The following HS3ST4 variants were observed in gnomAD, a reference collection of about 807,000 sequenced individuals.
The protein encoded by HS3ST4 is heparan sulfate glucosamine 3-O-sulfotransferase 4.
Under a neutral mutation model 29.2 loss-of-function variants are expected in HS3ST4, and 17 were observed. That is an observed-to-expected ratio of 0.58 (90% confidence interval 0.40 to 0.87). The LOEUF is 0.87. Among genes scored for constraint, HS3ST4 ranks in the 40% least tolerant of loss-of-function variants. The pLI is 0.00. For synonymous variants in HS3ST4, 314 were observed against 285.7 expected (o/e 1.10, Z -1.00); for missense variants, 627 against 634.5 (o/e 0.99, Z 0.13).
chr16:25,979,187 C>G (rs769965582), intron 1 of HS3ST4, among the ~76,000 whole-genome samples: 2 of 152,124 alleles, frequency 1.3e-5, no homozygotes, highest in African/African-American at 2.4e-5. Flanking sequence ...TGAGCCACTG[C>G]GTCTGGCCGA....
chr16:25,753,046 G>A (rs904441999), intron 1 of HS3ST4, among the ~76,000 whole-genome samples: 1 of 152,188 alleles, frequency 6.6e-6, no homozygotes, highest in Admixed American at 6.5e-5. Flanking sequence ...TGACCTCCAA[G>A]AAAATTGTGC....
chr16:25,939,128 C>T (rs947068541), intron 1 of HS3ST4, among the ~76,000 whole-genome samples: 2 of 152,054 alleles, frequency 1.3e-5, no homozygotes, highest in African/African-American at 4.8e-5. Context: ...CAGAAACACA[C>T]ATACCTCATT....
rs959146867 is a variant in HS3ST4 at position 25,799,963 on chromosome 16, G to A, written c.734+106812G>A. Among the ~76,000 whole-genome samples the A allele has an allele frequency of 4.6e-5, 7 of 151,946 alleles. No individual in the cohort carries two copies. The East Asian group carries it at 5.8e-4, about 13-fold the overall frequency. On this transcript the variant is annotated intron_variant, in intron 1 of 1. Coordinates refer to ENST00000331351, the MANE Select transcript of HS3ST4 (RefSeq NM_006040.3). ...ACCTCTGGGCTCAAGTGATCCTTCC[G>A]CATAGCTGGAATTCCATGTGTGCAC... is the stretch of plus-strand genomic sequence containing the variant.
chr16:25,722,324 A>G (rs1966502876), intron 1 of HS3ST4, among the ~76,000 whole-genome samples: 1 of 152,246 alleles, frequency 6.6e-6, no homozygotes, highest in Non-Finnish European at 1.5e-5. Context: ...TGGAGACTCC[A>G]TGAGAAGGGT....
At chr16:25,959,147 T>G (rs1450491556) in intron 1 of HS3ST4, among the ~76,000 whole-genome samples, 2 of 152,172 alleles carry the variant, frequency 1.3e-5, no homozygotes, top group South Asian at 2.1e-4. Flanking sequence ...AGATTGTTAT[T>G]TATTGAAGAG....
intron 1 of HS3ST4, among the ~76,000 whole-genome samples, chr16:26,115,316 A>C (rs560894872): frequency 6.8e-6 from 1 of 146,020 alleles, no homozygotes; most frequent in Non-Finnish European, 1.6e-5. Flanking sequence ...TATGTTTCAG[A>C]AAGATGCCAA....
At chr16:25,817,407 G>A (rs1018295897) in intron 1 of HS3ST4, among the ~76,000 whole-genome samples, 1 of 152,330 alleles carries the variant, frequency 6.6e-6, no homozygotes, top group Middle Eastern at 3.4e-3. Flanking sequence ...ATACAACCTC[G>A]TTGCGGCTAC....
intron 1 of HS3ST4, among the ~76,000 whole-genome samples, chr16:25,722,061 T>A (rs1161415617): frequency 6.6e-6 from 1 of 152,218 alleles, no homozygotes; most frequent in Non-Finnish European, 1.5e-5. Flanking sequence ...GTCAGTGTTC[T>A]GTTTTGGCAG....
intron 1 of HS3ST4, among the ~76,000 whole-genome samples, chr16:25,867,496 C>G (rs1967708434): frequency 6.6e-6 from 1 of 152,104 alleles, no homozygotes; most frequent in African/African-American, 2.4e-5. Flanking sequence ...ATTTCCTTTA[C>G]CAAATTCCTG....
At chr16:25,850,096 T>C (rs1967503104) in intron 1 of HS3ST4, among the ~76,000 whole-genome samples, 1 of 151,522 alleles carries the variant, frequency 6.6e-6, no homozygotes, top group Admixed American at 6.6e-5. Context: ...GCCTCCCTGG[T>C]TCAGGCAATT....
chr16:25,695,177 A>G (rs1567221759), intron 1 of HS3ST4, among the ~76,000 whole-genome samples: 3 of 152,200 alleles, frequency 2.0e-5, no homozygotes, highest in Admixed American at 6.5e-5. Flanking sequence ...CATATTTGGT[A>G]GCCACTCACA....
chr16:25,757,576 T>C (rs1193572668), intron 1 of HS3ST4, among the ~76,000 whole-genome samples: 2 of 148,494 alleles, frequency 1.3e-5, no homozygotes, highest in African/African-American at 2.5e-5. Context: ...ATATATAATA[T>C]AGTAATATAT....
intron 1 of HS3ST4, among the ~76,000 whole-genome samples, chr16:26,056,100 GT>G (rs1898405014): frequency 1.3e-5 from 2 of 151,308 alleles, no homozygotes; most frequent in East Asian, 3.9e-4. Flanking sequence ...AAGATTCATT[GT>G]TTTTCACAAG....
intron 1 of HS3ST4, among the ~76,000 whole-genome samples, chr16:25,928,855 C>G (rs767749283): frequency 2.0e-5 from 3 of 152,076 alleles, no homozygotes; most frequent in Non-Finnish European, 4.4e-5. Context: ...GCCCTGAAAG[C>G]GCTTGAGAAG....
In HS3ST4 at chr16:26,136,265, G is replaced by C. The variant is rs199691919; in HGVS notation, c.*17G>C. ...GATAAATGAGGCTAGAGAGGCAGAG[G>C]AAGGCTAGTCAATAAGCTAAGGAGG... On this transcript the variant is annotated 3_prime_UTR_variant, in exon 2 of 2. Transcript: ENST00000331351. The C allele has an allele frequency of 6.2e-7, 1 of 1,600,746 alleles. No homozygotes were observed. The highest frequency in any genetic ancestry group is 1.3e-5 in the African/African-American group (1 of 74,684).
chr16:26,112,943 A>C (rs1482718194), intron 1 of HS3ST4, among the ~76,000 whole-genome samples: 1 of 152,200 alleles, frequency 6.6e-6, no homozygotes, highest in Non-Finnish European at 1.5e-5. Context: ...CATTGCTCGG[A>C]ACATACCCTA....
chr16:25,702,875 T>TA (rs1258994559), intron 1 of HS3ST4, among the ~76,000 whole-genome samples: 1 of 151,822 alleles, frequency 6.6e-6, no homozygotes, highest in Non-Finnish European at 1.5e-5. Flanking sequence ...ACTCAACTCT[T>TA]AAGAGTTGAG....
intron 1 of HS3ST4, among the ~76,000 whole-genome samples, chr16:25,938,061 A>G (rs1968534358): frequency 6.6e-6 from 1 of 152,136 alleles, no homozygotes; most frequent in Admixed American, 6.6e-5. Flanking sequence ...CAGCTCCACA[A>G]GTGCTTCTGA....
chr16:25,737,905 CT>C (rs11314900), intron 1 of HS3ST4, among the ~76,000 whole-genome samples: 111,815 of 125,832 alleles, frequency 0.89, 49,516 homozygotes, highest in East Asian at 0.94. Context: ...CCTGTAGCTT[CT>C]TTTTTTTTTT....
Sources: gnomAD v4.1 joint callset for allele counts (sites outside exome capture counted in the v4.1 genomes callset) on GRCh38, gnomAD v4.1.1 for gene constraint, MANE v1.5 for transcripts, NCBI Gene and HGNC (gene_info 2026-07-23, HGNC 2026-07-21) for gene names.